Variants in RNLS observed in about 807,000 individuals in gnomAD.
RNLS encodes the protein renalase, FAD dependent amine oxidase.
In RNLS, 39 loss-of-function variants were observed where a neutral mutation model predicts 39.8. The observed-to-expected ratio is 0.98, with a 90% CI of 0.76 to 1.28. The LOEUF is 1.28. Among genes scored for constraint, RNLS ranks in the 50% most tolerant of loss-of-function variants. The pLI, the probability that RNLS is intolerant of heterozygous loss-of-function variation, is 0.00. For missense variants in RNLS, 410 were observed against 413.3 expected (o/e 0.99, Z 0.07); for synonymous variants, 147 against 150.7 (o/e 0.98, Z 0.18).
chr10:88,203,263 T>TGTATGTATATATATATATATATATATAC, the RNLS span, among the ~76,000 whole-genome samples: 1 of 13,378 alleles, frequency 7.5e-5, no homozygotes, highest in Non-Finnish European at 1.2e-4. Context: ...TGTGTGTGTG[T>TGTATGTATATATATATATATATATATAC]GTATGTATAT....
downstream of RNLS, among the ~76,000 whole-genome samples, chr10:88,281,318 T>C (rs563265226): frequency 3.9e-4 from 59 of 152,278 alleles, no homozygotes; most frequent in Non-Finnish European, 5.4e-4. Flanking sequence ...GCTGGATGTA[T>C]TTGACTGAGG....
chr10:88,478,369 G>T (rs1843943598), intron 4 of RNLS, among the ~76,000 whole-genome samples: 1 of 151,874 alleles, frequency 6.6e-6, no homozygotes, highest in South Asian at 2.1e-4. Context: ...TTCATTTTTA[G>T]GCCCACTCCT....
chr10:88,491,542 A>G (rs1219744135), intron 4 of RNLS, among the ~76,000 whole-genome samples: 1 of 152,198 alleles, frequency 6.6e-6, no homozygotes, highest in Non-Finnish European at 1.5e-5. Context: ...AGAATGCAGA[A>G]GTGAGGCAGA....
At chr10:88,496,631 T>C (rs1171032313) in intron 4 of RNLS, among the ~76,000 whole-genome samples, 3 of 152,138 alleles carry the variant, frequency 2.0e-5, no homozygotes, top group African/African-American at 7.2e-5. Context: ...TGTGGCCATG[T>C]TCCCCACCCC....
chr10:88,277,807 A>G (rs1423397501), intron 6 of RNLS, among the ~76,000 whole-genome samples: 3 of 152,120 alleles, frequency 2.0e-5, no homozygotes, highest in Admixed American at 2.0e-4. Context: ...TTTAATATAG[A>G]TGGTTCTAGT....
chr10:88,230,277 G>T, the RNLS span, among the ~76,000 whole-genome samples: 1 of 152,168 alleles, frequency 6.6e-6, no homozygotes, highest in African/African-American at 2.4e-5. Context: ...CAGACCTGCT[G>T]CAGGTAACAA....
intron 4 of RNLS, among the ~76,000 whole-genome samples, chr10:88,566,263 A>G (rs1849498104): frequency 6.6e-6 from 1 of 151,882 alleles, no homozygotes; most frequent in Admixed American, 6.6e-5. Context: ...TAAATATATT[A>G]TTATATTAGT....
chr10:88,321,108 C>A lies in RNLS; in HGVS notation c.701-6467G>T, dbSNP rs12246892. Among the ~76,000 whole-genome samples the A allele has an allele frequency of 9.0e-3, 1,362 of 151,814 alleles. 22 individuals are homozygous for A. The highest frequency in any genetic ancestry group is 0.031 in the African/African-American group (1,292 of 41,290). ...AAATCATATCAAGCATCTTCTCAGACCACAGTGGAATAAAATCAGGAATCA... is the reference window on the plus strand; with the variant it reads ...AAATCATATCAAGCATCTTCTCAGAACACAGTGGAATAAAATCAGGAATCA... On this transcript the variant is annotated intron_variant, in intron 5 of 6. Transcript: ENST00000331772.
chr10:88,314,471 A>T lies in RNLS; in HGVS notation c.871T>A (p.Ser291Thr), dbSNP rs1022426012. 7 of 1,613,784 alleles carry T rather than the reference A, an allele frequency of 4.3e-6. No homozygotes were observed. In the Admixed American group the frequency reaches 1.0e-4, roughly 23 times the overall value. Residue 291 changes from serine (S) to threonine (T), a missense_variant, in exon 6 of 7, where the codon TCA becomes ACA. By Grantham distance (58) the Ser-to-Thr change is moderately conservative (BLOSUM62 1). Transcript: ENST00000331772. ...IATKCQKWRHSQVTNAAANCP... is the reference protein window; with the variant it reads ...IATKCQKWRHTQVTNAAANCP... The stretch of plus-strand genomic sequence containing the variant: ...CCACTGGATTCTTTGATTACCTGTG[A>T]ATGTCTCCATTTTTGGCATTTGGTA...
At chr10:88,512,392 G>A (rs759537261) in intron 4 of RNLS, among the ~76,000 whole-genome samples, 8 of 152,104 alleles carry the variant, frequency 5.3e-5, no homozygotes, top group Non-Finnish European at 1.0e-4. Flanking sequence ...TATAAAAAAT[G>A]TAATTTATAA....
intron 4 of RNLS, among the ~76,000 whole-genome samples, chr10:88,423,814 T>C (rs529843119): frequency 6.6e-6 from 1 of 152,204 alleles, no homozygotes; most frequent in Non-Finnish European, 1.5e-5. Flanking sequence ...TGCAGTGCTA[T>C]CTACAGCAGG....
At chr10:88,412,015 G>C (rs1413009439) in intron 4 of RNLS, among the ~76,000 whole-genome samples, 1 of 152,052 alleles carries the variant, frequency 6.6e-6, no homozygotes, top group African/African-American at 2.4e-5. Flanking sequence ...ATCAGGTTTA[G>C]GAGTTTGAGC....
At chr10:88,555,447 C>G (rs1451296027) in intron 4 of RNLS, among the ~76,000 whole-genome samples, 1 of 151,996 alleles carries the variant, frequency 6.6e-6, no homozygotes, top group Non-Finnish European at 1.5e-5. Context: ...ATGTAATGAG[C>G]TCACATGACA....
chr10:88,463,968 A>G (rs1320958294), intron 4 of RNLS, among the ~76,000 whole-genome samples: 2 of 152,050 alleles, frequency 1.3e-5, no homozygotes, highest in Non-Finnish European at 2.9e-5. Context: ...ATTGACCATC[A>G]TCTTAAACAA....
chr10:88,264,834 GT>G, the RNLS span, among the ~76,000 whole-genome samples: 1 of 152,278 alleles, frequency 6.6e-6, no homozygotes, highest in South Asian at 2.1e-4. Flanking sequence ...AAACTTACCA[GT>G]TTAATTGAGT....
intron 4 of RNLS, among the ~76,000 whole-genome samples, chr10:88,487,784 A>T (rs914834042): frequency 8.5e-5 from 13 of 152,200 alleles, no homozygotes; most frequent in African/African-American, 3.1e-4. Flanking sequence ...CCCACAAATG[A>T]TCATAGCAGT....
chr10:88,356,154 C>G (rs1383638811), intron 5 of RNLS, among the ~76,000 whole-genome samples: 2 of 152,214 alleles, frequency 1.3e-5, no homozygotes, highest in Non-Finnish European at 2.9e-5. Flanking sequence ...TTCCCTACCC[C>G]TTGCGCTTCC....
At chr10:88,220,580 G>A in the RNLS span, among the ~76,000 whole-genome samples, 5 of 152,148 alleles carry the variant, frequency 3.3e-5, no homozygotes, top group African/African-American at 4.8e-5. Context: ...TTTCTTATTC[G>A]TGTATTTATT....
At position 88,438,165 on chromosome 10, in the gene RNLS, A is replaced by G. The variant is rs185414094; in HGVS notation, c.527-75440T>C. Reference sequence around the variant, plus strand: ...AAGAAGCTCAGGAAAAGATGGACCCATTCCTTCCTCAGACTTTGTCATATC... The same window carrying G: ...AAGAAGCTCAGGAAAAGATGGACCCGTTCCTTCCTCAGACTTTGTCATATC... On this transcript the variant is annotated intron_variant, in intron 4 of 6. Transcript: ENST00000331772. Among the ~76,000 whole-genome samples the G allele has an allele frequency of 5.1e-3, 768 of 150,844 alleles. 5 individuals are homozygous for G. The highest frequency in any genetic ancestry group is 8.6e-3 in the Non-Finnish European group (583 of 67,810).
Sources: gnomAD v4.1 joint callset for allele counts (sites outside exome capture counted in the v4.1 genomes callset) on GRCh38, gnomAD v4.1.1 for gene constraint, MANE v1.5 for transcripts, NCBI Gene and HGNC (gene_info 2026-07-23, HGNC 2026-07-21) for gene names.